PDZRN4: variants seen among roughly 807,000 people sequenced by gnomAD.
PDZRN4 encodes PDZ domain containing ring finger 4, also known as PDZ domain-containing RING finger protein 4.
PDZRN4 carries 70 observed loss-of-function variants against 99.0 expected under a neutral mutation model. The observed-to-expected ratio is 0.71, with a 90% CI of 0.58 to 0.86. The LOEUF is 0.86. Among genes scored for constraint, PDZRN4 ranks in the 40% least tolerant of loss-of-function variants. PDZRN4 has a pLI of 0.00. For synonymous variants in PDZRN4, 551 were observed against 501.6 expected, an observed-to-expected ratio of 1.10 and a Z score of -1.32; for missense variants, 1,474 against 1,331.2, an observed-to-expected ratio of 1.11 and a Z score of -1.67.
intron 5 of PDZRN4, among the ~76,000 whole-genome samples, chr12:41,545,079 A>G (rs190475920): frequency 6.6e-5 from 10 of 152,322 alleles, no homozygotes. Flanking sequence ...CTCACCCACT[A>G]TGCTAGTGCT....
intron 5 of PDZRN4, among the ~76,000 whole-genome samples, chr12:41,551,167 G>A (rs962043142): frequency 3.9e-5 from 6 of 152,108 alleles, no homozygotes; most frequent in Admixed American, 3.9e-4. Context: ...TGTCTGGTGA[G>A]GGCCTGTTCC....
At chr12:41,403,082 A>G (rs1399093177) in intron 3 of PDZRN4, among the ~76,000 whole-genome samples, 1 of 152,124 alleles carries the variant, frequency 6.6e-6, no homozygotes. Context: ...TTCAGAATTA[A>G]TGGAGTGTCT....
chr12:41,430,595 T>G (rs141555022), intron 3 of PDZRN4, among the ~76,000 whole-genome samples: 33 of 152,306 alleles, frequency 2.2e-4, no homozygotes, highest in African/African-American at 7.7e-4. Context: ...CAATGAGTAC[T>G]TCTGTGCAAC....
chr12:41,555,188 G>A (rs1439453408), intron 6 of PDZRN4, among the ~76,000 whole-genome samples: 12 of 133,302 alleles, frequency 9.0e-5, no homozygotes, highest in African/African-American at 2.3e-4. Flanking sequence ...CGGAGATGGC[G>A]CCACTGCACT....
At chr12:41,419,322 T>C (rs1952471667) in intron 3 of PDZRN4, among the ~76,000 whole-genome samples, 1 of 152,166 alleles carries the variant, frequency 6.6e-6, no homozygotes, top group African/African-American at 2.4e-5. Context: ...TGGTGCAGGC[T>C]GCAGTTGGTG....
chr12:41,234,799 T>A (rs1951054526), intron 3 of PDZRN4, among the ~76,000 whole-genome samples: 1 of 152,124 alleles, frequency 6.6e-6, no homozygotes, highest in Non-Finnish European at 1.5e-5. Context: ...AAATTGGAGA[T>A]GGTTACTTAA....
chr12:41,294,830 C>A (rs1211813494), intron 3 of PDZRN4, among the ~76,000 whole-genome samples: 2 of 152,010 alleles, frequency 1.3e-5, no homozygotes, highest in East Asian at 1.9e-4. Flanking sequence ...CATAGAAGAA[C>A]AACTCAGGAG....
intron 3 of PDZRN4, among the ~76,000 whole-genome samples, chr12:41,209,860 C>T (rs570945580): frequency 6.7e-6 from 1 of 149,324 alleles, no homozygotes; most frequent in South Asian, 2.2e-4. Context: ...GGGTATATAC[C>T]CAGTAACGGG....
intron 3 of PDZRN4, among the ~76,000 whole-genome samples, chr12:41,417,975 A>T (rs1440937052): frequency 6.6e-6 from 1 of 152,200 alleles, no homozygotes; most frequent in Non-Finnish European, 1.5e-5. Context: ...TTATCCTTGC[A>T]ACAAATAATC....
intron 3 of PDZRN4, among the ~76,000 whole-genome samples, chr12:41,452,482 G>A (rs1474911659): frequency 1.3e-5 from 2 of 150,860 alleles, no homozygotes; most frequent in African/African-American, 4.9e-5. Flanking sequence ...GTAGTCAGAG[G>A]TGGGAACCAA....
rs145191733 is a variant in PDZRN4, at chr12:41,237,112, A to G, written c.843+42924A>G. On this transcript the variant is annotated intron_variant, in intron 3 of 9. Transcript: ENST00000402685. ...GAAAAATAAAACATGAAAATAAAAAACATAATTAGGTGATATTAACTTGTA... is the reference window on the plus strand; with the variant it reads ...GAAAAATAAAACATGAAAATAAAAAGCATAATTAGGTGATATTAACTTGTA... Among the ~76,000 whole-genome samples, 227 of 152,258 alleles carry G rather than the reference A, an allele frequency of 1.5e-3. 1 individual carries two copies. The highest frequency in any genetic ancestry group is 5.4e-3 in the South Asian group (26 of 4,816).
At chr12:41,442,358 TG>T (rs1437012636) in intron 3 of PDZRN4, among the ~76,000 whole-genome samples, 1 of 152,144 alleles carries the variant, frequency 6.6e-6, no homozygotes, top group Admixed American at 6.6e-5. Context: ...CTGCATTTAT[TG>T]TTCTTTTTTT....
chr12:41,430,352 C>T (rs906321667), intron 3 of PDZRN4, among the ~76,000 whole-genome samples: 1 of 151,784 alleles, frequency 6.6e-6, no homozygotes, highest in East Asian at 1.9e-4. Flanking sequence ...GCCTGTAATC[C>T]CAGTTACTTG....
Position 41,509,978 on chromosome 12 carries a change from C to A in PDZRN4, c.1203+65C>A, listed in dbSNP as rs186172862. 2,420 of 739,598 alleles carry A rather than the reference C, an allele frequency of 3.3e-3. 32 individuals are homozygous for A. Among genetic ancestry groups the A allele is most frequent in the Admixed American group, 0.012 (493 of 40,924 alleles). The allele number at this position is 739,598 out of a possible 1,614,324, so 45.8% of individuals were successfully genotyped here. ...GTTACGGTTGAGGGGTTTTGTATAA[C>A]AAAGAAATTAATTTATTACAGTGAG... On this transcript the variant is annotated intron_variant, in intron 5 of 9. Transcript: ENST00000402685.
intron 3 of PDZRN4, among the ~76,000 whole-genome samples, chr12:41,361,984 A>G (rs1317645566): frequency 6.6e-6 from 1 of 152,022 alleles, no homozygotes; most frequent in African/African-American, 2.4e-5. Flanking sequence ...CATTATCAGA[A>G]CCAGCTGTGT....
chr12:41,276,359 C>T (rs566998454), intron 3 of PDZRN4, among the ~76,000 whole-genome samples: 2 of 151,716 alleles, frequency 1.3e-5, no homozygotes, highest in Non-Finnish European at 2.9e-5. Context: ...TTTTAAGAAC[C>T]CTTTTTAGTA....
intron 3 of PDZRN4, among the ~76,000 whole-genome samples, chr12:41,443,103 G>A (rs1284860176): frequency 6.6e-6 from 1 of 152,110 alleles, no homozygotes; most frequent in African/African-American, 2.4e-5. Context: ...TGCTTAATAT[G>A]TGCCAAGCCC....
intron 7 of PDZRN4, among the ~76,000 whole-genome samples, chr12:41,563,016 G>A (rs1226568813): frequency 1.2e-4 from 18 of 152,144 alleles, no homozygotes; most frequent in African/African-American, 3.6e-4. Context: ...TTATCCTGAC[G>A]ATGATGTTTG....
Position 41,506,671 on chromosome 12 carries a change from C to T in PDZRN4, c.1059C>T (p.Thr353=). 1 of 1,613,664 alleles carries T rather than the reference C, an allele frequency of 6.2e-7. No individual in the cohort carries two copies. ...CTCTGGCCAAGCTTCGTCCACCTAC[C>T]CCTCCAGTGCCAGACATCTGTCCAT... The part of the protein sequence containing the change: ...IMALAKLRPP[T]PPVPDICPFL... Residue 353 remains threonine (T), a synonymous_variant, in exon 4 of 10, where the codon ACC becomes ACT. Coordinates refer to ENST00000402685, the MANE Select transcript of PDZRN4 (RefSeq NM_001164595.2).
Sources: gnomAD v4.1 joint callset for allele counts (sites outside exome capture counted in the v4.1 genomes callset) on GRCh38, gnomAD v4.1.1 for gene constraint, MANE v1.5 for transcripts, NCBI Gene and HGNC (gene_info 2026-07-23, HGNC 2026-07-21) for gene names.